Variants in CEMIP2 observed in about 807,000 individuals in gnomAD.
CEMIP2 encodes cell surface hyaluronidase CEMIP2.
In CEMIP2, 79 loss-of-function variants were observed where a neutral mutation model predicts 146.9. The observed-to-expected ratio is 0.54, with a 90% CI of 0.45 to 0.65. CEMIP2 has a LOEUF of 0.65. CEMIP2 is among the 30% of genes least tolerant of loss of function. The pLI is 0.00. For missense variants in CEMIP2, 1,596 were observed against 1,696.2 expected, an observed-to-expected ratio of 0.94 and a Z score of 1.04; for synonymous variants, 601 against 606.3, an observed-to-expected ratio of 0.99 and a Z score of 0.13.
chr9:71,689,833 C>G (rs1822173688), intron 22 of CEMIP2, among the ~76,000 whole-genome samples: 1 of 152,144 alleles, frequency 6.6e-6, no homozygotes, highest in African/African-American at 2.4e-5. Flanking sequence ...ATAATGAGCT[C>G]TTTTCCTCTG....
At chr9:71,696,795 A>T (rs553405477) in intron 20 of CEMIP2, among the ~76,000 whole-genome samples, 1 of 152,038 alleles carries the variant, frequency 6.6e-6, no homozygotes, top group Non-Finnish European at 1.5e-5. Context: ...AAGCAAAACA[A>T]AACAAAAAAA....
intron 16 of CEMIP2, 47 bp downstream of exon 16, chr9:71,712,035 TC>T (rs1182713022): frequency 2.5e-6 from 4 of 1,589,402 alleles, no homozygotes; most frequent in Admixed American, 1.7e-5. Flanking sequence ...GTGCTATCCC[TC>T]CTTTTTTCAC....
chr9:71,762,888 T>G (rs1395186979), intron 1 of CEMIP2, among the ~76,000 whole-genome samples: 1 of 152,072 alleles, frequency 6.6e-6, no homozygotes, highest in African/African-American at 2.4e-5. Context: ...GGTGCATGCC[T>G]GTACTCCCAG....
Position 71,709,351 on chromosome 9 carries a change from C to A in CEMIP2, c.2893G>T (p.Val965Leu). 6.2e-7 allele frequency: 1 copy of A among 1,614,188 alleles called. No individual in the cohort carries two copies. Among genetic ancestry groups the A allele is most frequent in the Non-Finnish European group, 8.5e-7 (1 of 1,180,028 alleles). ...GSVTGYKDAY[V>L]GRMDNYLIRH... is the part of the protein sequence containing the mutation. Reference sequence around the variant, plus strand: ...ATCAGGTAGTTGTCCATTCTTCCCACATAAGCATCCTTGTATCCTGTCACA... The same window carrying A: ...ATCAGGTAGTTGTCCATTCTTCCCAAATAAGCATCCTTGTATCCTGTCACA... The change falls in exon 17 of 24, where the codon GTG becomes TTG. Residue 965 changes from valine (V) to leucine (L), a missense_variant. By Grantham distance (32) the Val-to-Leu change is conservative (BLOSUM62 1). Transcript: ENST00000377044.
chr9:71,687,796 G>C (rs1156244277), intron 22 of CEMIP2, among the ~76,000 whole-genome samples: 1 of 152,198 alleles, frequency 6.6e-6, no homozygotes, highest in African/African-American at 2.4e-5. Flanking sequence ...AGCCTGAGAG[G>C]TCAAGACTAC....
Position 71,698,124 on chromosome 9 carries a change from T to C in CEMIP2, c.3458A>G (p.Lys1153Arg). 6.2e-7 allele frequency: 1 copy of C among 1,614,168 alleles called. No homozygotes were observed. The highest frequency in any genetic ancestry group is 8.5e-7 in the Non-Finnish European group (1 of 1,180,042). Reference sequence around the variant, plus strand: ...CTTTGAGTCTGTGGCTGCTTGGATCTTGACTCTTTCACATCCCTGAGATGA... The same window carrying C: ...CTTTGAGTCTGTGGCTGCTTGGATCCTGACTCTTTCACATCCCTGAGATGA... ...YCSSQGCERV[K>R]IQAATDSKDI... The change falls in exon 20 of 24, where the codon AAG (lysine) becomes AGG (arginine). Residue 1153 changes from lysine to arginine, a missense_variant. Transcript: ENST00000377044.
chr9:71,726,062 A>C (rs568665319), intron 10 of CEMIP2, among the ~76,000 whole-genome samples: 1 of 152,340 alleles, frequency 6.6e-6, no homozygotes, highest in African/African-American at 2.4e-5. Context: ...GATGTTAAGC[A>C]ATATGGTTTT....
chr9:71,688,587 C>G (rs910003662), intron 22 of CEMIP2, among the ~76,000 whole-genome samples: 1 of 151,828 alleles, frequency 6.6e-6, no homozygotes, highest in African/African-American at 2.4e-5. Context: ...GAGGTTTCAC[C>G]ATGTTGGCCA....
intron 2 of CEMIP2, among the ~76,000 whole-genome samples, chr9:71,746,596 CAA>C (rs5898226): frequency 0.01 from 771 of 75,130 alleles, 6 homozygotes; most frequent in African/African-American, 0.024. Context: ...CAAACTTCAC[CAA>C]AAAAAAAAAA....
At chr9:71,700,258 G>T (rs777646039) in intron 19 of CEMIP2, among the ~76,000 whole-genome samples, 2 of 152,216 alleles carry the variant, frequency 1.3e-5, no homozygotes, top group Non-Finnish European at 2.9e-5. Flanking sequence ...AGGTCAACTT[G>T]TAAGATAGCC....
intron 14 of CEMIP2, among the ~76,000 whole-genome samples, chr9:71,716,025 TGAG>T (rs1462737280): frequency 2.0e-5 from 3 of 152,118 alleles, no homozygotes; most frequent in East Asian, 1.9e-4. Context: ...ACACTGAGAA[TGAG>T]GAGAACAAAC....
chr9:71,760,018 TAA>T (rs34841456), intron 1 of CEMIP2, among the ~76,000 whole-genome samples: 20 of 143,886 alleles, frequency 1.4e-4, no homozygotes, highest in African/African-American at 3.8e-4. Flanking sequence ...TAAATTTACT[TAA>T]AAAAAAAAAA....
intron 20 of CEMIP2, 30 bp from the exon 21 acceptor site, chr9:71,694,637 G>A (rs370490056): frequency 6.8e-7 from 1 of 1,461,228 alleles, no homozygotes; most frequent in South Asian, 1.1e-5. Flanking sequence ...CATATTTATG[G>A]CAACTCTTAC....
chr9:71,744,918 T>A (rs1824030889), intron 4 of CEMIP2, 100 bp downstream of exon 4: 5 of 1,313,560 alleles, frequency 3.8e-6, no homozygotes, highest in Non-Finnish European at 4.2e-6. Context: ...GCCCTTCTGA[T>A]GCCTGAGTCA....
chr9:71,702,895 T>C (rs1432132475), intron 18 of CEMIP2, among the ~76,000 whole-genome samples: 1 of 152,216 alleles, frequency 6.6e-6, no homozygotes, highest in Non-Finnish European at 1.5e-5. Context: ...CACGGTACTT[T>C]ACAAAACACT....
chr9:71,700,960 CT>C (rs1164205148), intron 18 of CEMIP2, 136 bp from the exon 19 acceptor site: 1 of 783,830 alleles, frequency 1.3e-6, no homozygotes, highest in African/African-American at 1.8e-5. Context: ...CCTTAAATTT[CT>C]TCTGTGTGTT....
At chr9:71,728,704 C>T (rs1823521552) in intron 10 of CEMIP2, among the ~76,000 whole-genome samples, 3 of 151,852 alleles carry the variant, frequency 2.0e-5, no homozygotes, top group African/African-American at 7.3e-5. Context: ...GTATATAAAG[C>T]CTTACATTCA....
At chr9:71,721,136 T>C (rs1310120934) in intron 12 of CEMIP2, among the ~76,000 whole-genome samples, 1 of 152,026 alleles carries the variant, frequency 6.6e-6, no homozygotes. Flanking sequence ...AGAGAACCAA[T>C]TGTGTTTATG....
chr9:71,728,240 T>TATATATATATAC (rs1823461580), intron 10 of CEMIP2, among the ~76,000 whole-genome samples: 1 of 33,522 alleles, frequency 3.0e-5, no homozygotes, highest in Admixed American at 3.6e-4. Flanking sequence ...TCTATATATA[T>TATATATATATAC]ATATATATAT....
Sources: gnomAD v4.1 joint callset for allele counts (sites outside exome capture counted in the v4.1 genomes callset) on GRCh38, gnomAD v4.1.1 for gene constraint, MANE v1.5 for transcripts, NCBI Gene and HGNC (gene_info 2026-07-23, HGNC 2026-07-21) for gene names.